The following C1QTNF7 variants were observed in gnomAD, a reference collection of about 807,000 sequenced individuals.
C1QTNF7 encodes the protein C1q and TNF related 7, also known as complement C1q tumor necrosis factor-related protein 7.
Under a neutral mutation model 19.6 loss-of-function variants are expected in C1QTNF7, and 15 were observed. That is an observed-to-expected ratio of 0.76 (90% CI 0.51 to 1.18). The LOEUF (loss-of-function observed/expected upper bound fraction) is 1.18, where lower values mean the gene tolerates loss of function less well. Ranked by LOEUF, C1QTNF7 falls within the 50% of genes most tolerant of loss-of-function variation. C1QTNF7 has a pLI of 0.00. For synonymous variants in C1QTNF7, 142 were observed against 137.5 expected, an observed-to-expected ratio of 1.03 and a Z score of -0.23; for missense variants, 324 against 359.7, an observed-to-expected ratio of 0.90 and a Z score of 0.80.
chr4:15,343,053 A>G (rs1346273825), intron 1 of C1QTNF7, among the ~76,000 whole-genome samples: 5 of 152,248 alleles, frequency 3.3e-5, no homozygotes, highest in Non-Finnish European at 7.3e-5. Flanking sequence ...TGCCTGACAT[A>G]TAATGAGAGC....
upstream of C1QTNF7, among the ~76,000 whole-genome samples, chr4:15,423,828 C>A (rs13132762): frequency 2.8e-3 from 432 of 152,176 alleles, 6 homozygotes; most frequent in African/African-American, 9.7e-3. Flanking sequence ...CGTTTCCCCC[C>A]CTTTTAGGTC....
intron 1 of C1QTNF7, among the ~76,000 whole-genome samples, chr4:15,372,879 C>T (rs917358445): frequency 6.6e-6 from 1 of 151,866 alleles, no homozygotes; most frequent in Non-Finnish European, 1.5e-5. Context: ...GAGACAAGTA[C>T]CAAGAGGTGG....
At chr4:15,402,003 A>C (rs377278551) in intron 1 of C1QTNF7, among the ~76,000 whole-genome samples, 3 of 152,368 alleles carry the variant, frequency 2.0e-5, no homozygotes, top group South Asian at 4.1e-4. Flanking sequence ...AATTCAAGAA[A>C]GCTTTTTGAG....
At chr4:15,439,957 T>A (rs1712683923) in intron 2 of C1QTNF7, among the ~76,000 whole-genome samples, 1 of 151,610 alleles carries the variant, frequency 6.6e-6, no homozygotes, top group African/African-American at 2.4e-5. Context: ...AACGTGAATG[T>A]CATATACAAA....
At chr4:15,364,438 T>C (rs1717441313) in intron 1 of C1QTNF7, among the ~76,000 whole-genome samples, 3 of 152,206 alleles carry the variant, frequency 2.0e-5, no homozygotes. Flanking sequence ...AGGTGTTTAT[T>C]ATGCAGCACC....
At chr4:15,382,943 C>T (rs1021556792) in intron 1 of C1QTNF7, among the ~76,000 whole-genome samples, 2 of 152,192 alleles carry the variant, frequency 1.3e-5, no homozygotes, top group African/African-American at 4.8e-5. Flanking sequence ...CTTATTAGTG[C>T]TTACCAAATC....
chr4:15,400,121 C>T (rs1002429825), intron 1 of C1QTNF7, among the ~76,000 whole-genome samples: 3 of 152,182 alleles, frequency 2.0e-5, no homozygotes, highest in African/African-American at 4.8e-5. Context: ...ACTAAGATAT[C>T]GTCCATTGTT....
chr4:15,399,693 A>C (rs1005213464), intron 1 of C1QTNF7, among the ~76,000 whole-genome samples: 3 of 152,238 alleles, frequency 2.0e-5, no homozygotes, highest in African/African-American at 7.2e-5. Flanking sequence ...GCTTAATTTG[A>C]CTATCACCTC....
chr4:15,430,834 A>T (rs112775214), intron 1 of C1QTNF7, among the ~76,000 whole-genome samples: 11 of 152,344 alleles, frequency 7.2e-5, no homozygotes, highest in African/African-American at 2.6e-4. Flanking sequence ...ACAAATTTTT[A>T]AATGTGAAAA....
chr4:15,368,158 C>T (rs1049067071), intron 1 of C1QTNF7, among the ~76,000 whole-genome samples: 3 of 152,134 alleles, frequency 2.0e-5, no homozygotes, highest in Non-Finnish European at 2.9e-5. Context: ...AGTAGTATCT[C>T]GCAGTATAGA....
At chr4:15,362,662 T>C (rs549110748) in intron 1 of C1QTNF7, 4 of 152,324 alleles carry the variant, frequency 2.6e-5, no homozygotes, top group East Asian at 3.9e-4. Context: ...CGTGTGATTA[T>C]GACATGAAAG....
chr4:15,436,002 T>C (rs1712522810), intron 2 of C1QTNF7, 21 bp downstream of exon 2: 5 of 1,604,446 alleles, frequency 3.1e-6, no homozygotes, highest in African/African-American at 2.7e-5. Flanking sequence ...AGAAGTTGCA[T>C]AAAACACCCT....
chr4:15,357,137 T>C (rs929043521), intron 1 of C1QTNF7, among the ~76,000 whole-genome samples: 2 of 152,190 alleles, frequency 1.3e-5, no homozygotes, highest in Non-Finnish European at 2.9e-5. Context: ...TTTGTTACCA[T>C]TGCTTTTGGT....
chr4:15,409,702 G>A (rs113180906), intron 1 of C1QTNF7, among the ~76,000 whole-genome samples: 3 of 152,114 alleles, frequency 2.0e-5, no homozygotes, highest in Non-Finnish European at 4.4e-5. Flanking sequence ...ACGGCCCAGG[G>A]TCTGAACGTG....
chr4:15,434,217 C>G (rs953757770), intron 1 of C1QTNF7, among the ~76,000 whole-genome samples: 1 of 151,642 alleles, frequency 6.6e-6, no homozygotes, highest in Non-Finnish European at 1.5e-5. Context: ...AGTTACAGAG[C>G]CTGAGTTCGG....
At chr4:15,425,711 T>C (rs1452075215), upstream of C1QTNF7, among the ~76,000 whole-genome samples, 1 of 152,178 alleles carries the variant, frequency 6.6e-6, no homozygotes, top group African/African-American at 2.4e-5. Flanking sequence ...ATAATACAAT[T>C]ACTCACCTCA....
At chr4:15,341,591 T>A (rs1230085638) in intron 1 of C1QTNF7, among the ~76,000 whole-genome samples, 5 of 152,216 alleles carry the variant, frequency 3.3e-5, no homozygotes, top group Non-Finnish European at 7.3e-5. Flanking sequence ...CTTATCCTTC[T>A]CTTTCCCAAA....
upstream of C1QTNF7, among the ~76,000 whole-genome samples, chr4:15,427,069 G>A (rs1712083893): frequency 6.6e-6 from 1 of 152,108 alleles, no homozygotes. Context: ...AAATTCAAAG[G>A]ACCATTTCCT....
intron 1 of C1QTNF7, among the ~76,000 whole-genome samples, chr4:15,378,763 A>G (rs1273804212): frequency 6.6e-6 from 1 of 152,206 alleles, no homozygotes; most frequent in East Asian, 1.9e-4. Flanking sequence ...CCAACACTCT[A>G]TTAGCCAAGA....
Sources: allele counts gnomAD v4.1 joint callset (sites outside exome capture counted in the v4.1 genomes callset), GRCh38; gene constraint gnomAD v4.1.1; transcripts MANE v1.5; gene names NCBI Gene and HGNC (gene_info 2026-07-23, HGNC 2026-07-21).